SLC38A8: variants seen among roughly 807,000 people sequenced by gnomAD.
SLC38A8 encodes the protein solute carrier family 38 member 8.
SLC38A8 carries 65 observed loss-of-function variants against 46.0 expected under a neutral mutation model. The ratio of observed to expected loss-of-function variants is 1.41; its 90% CI spans 1.16 to 1.74. The LOEUF (loss-of-function observed/expected upper bound fraction) is 1.74, where lower values mean the gene tolerates loss of function less well. SLC38A8 is among the 40% of genes most tolerant of loss of function. The pLI, the probability that SLC38A8 is intolerant of heterozygous loss-of-function variation, is 0.00. For synonymous variants in SLC38A8, 447 were observed against 243.7 expected, an observed-to-expected ratio of 1.83 and a Z score of -7.77; for missense variants, 998 against 567.9, an observed-to-expected ratio of 1.76 and a Z score of -7.70.
chr16:84,011,521 C>T (rs2084953335), intron 10 of SLC38A8, among the ~76,000 whole-genome samples: 1 of 152,202 alleles, frequency 6.6e-6, no homozygotes, highest in Non-Finnish European at 1.5e-5. Context: ...AGACCTACAG[C>T]TGGCACCCAA....
At position 84,017,204 on chromosome 16, in the gene SLC38A8, C is replaced by T; in HGVS notation, c.889G>A (p.Val297Met). 6.2e-7 allele frequency: 1 copy of T among 1,614,078 alleles called. No homozygotes were observed. Among genetic ancestry groups the T allele is most frequent in the South Asian group, 1.1e-5 (1 of 91,072 alleles). The part of the protein sequence containing the change: ...SYPGNDMVII[V>M]ARVLFAVSIV... The stretch of plus-strand genomic sequence containing the variant: ...GAGACAGCAAAAAGGACCCGGGCCA[C>T]AATGATGACCATATCATTGCCTGGG... The change falls in exon 8 of 11, where the codon GTG (valine) becomes ATG (methionine). Residue 297 changes from valine to methionine, a missense_variant. Physicochemically the swap from Val to Met is conservative, Grantham distance 21. Transcript: ENST00000299709.
At chr16:84,020,167 G>A (rs778496578) in intron 7 of SLC38A8, among the ~76,000 whole-genome samples, 28 of 149,722 alleles carry the variant, frequency 1.9e-4, no homozygotes, top group Non-Finnish European at 3.5e-4. Flanking sequence ...TTGAGACAGG[G>A]TCTTGCCCTG....
intron 6 of SLC38A8, among the ~76,000 whole-genome samples, chr16:84,027,769 A>G (rs2085182491): frequency 6.6e-6 from 1 of 152,204 alleles, no homozygotes; most frequent in Non-Finnish European, 1.5e-5. Context: ...TGCTAGGAGA[A>G]TCCGGTGAGG....
intron 7 of SLC38A8, among the ~76,000 whole-genome samples, chr16:84,021,658 G>A (rs1168663892): frequency 6.6e-6 from 1 of 152,186 alleles, no homozygotes. Flanking sequence ...TCATTGCCCA[G>A]CTCCAAAGCC....
Position 84,018,223 on chromosome 16 carries a change from CTTTTTTT to C in SLC38A8, c.806-943_806-937del, listed in dbSNP as rs796178053. Among the ~76,000 whole-genome samples, 34 of 79,940 alleles carry C rather than the reference CTTTTTTT, an allele frequency of 4.3e-4. No individual in the cohort carries two copies. The East Asian group carries it at 7.2e-3, about 17-fold the overall frequency. The allele number at this position is 79,940 out of a possible 152,430, so 52.4% of individuals were successfully genotyped here. A position where few individuals can be genotyped will look rare whatever the true frequency, so the allele number is the denominator to read the frequency against. ...ATGAGCTCTGACTCAGCCCTCATTC[CTTTTTTT>C]TTTTTTTTTTTTTTTTTTTTGAGAC... On this transcript the variant is annotated intron_variant, in intron 7 of 10. Transcript: ENST00000299709.
intron 3 of SLC38A8, among the ~76,000 whole-genome samples, chr16:84,034,706 T>C (rs1020915854): frequency 6.6e-6 from 1 of 152,070 alleles, no homozygotes; most frequent in African/African-American, 2.4e-5. Context: ...AAGCAGGTGG[T>C]CACAGCAGCA....
intron 10 of SLC38A8, among the ~76,000 whole-genome samples, chr16:84,011,128 C>A (rs1418856488): frequency 1.3e-5 from 2 of 152,214 alleles, no homozygotes; most frequent in Non-Finnish European, 1.5e-5. Flanking sequence ...GGCTGTTCAG[C>A]GCCATAAACA....
chr16:84,019,403 G>C (rs2085070138), intron 7 of SLC38A8, among the ~76,000 whole-genome samples: 1 of 152,126 alleles, frequency 6.6e-6, no homozygotes, highest in Non-Finnish European at 1.5e-5. Context: ...AATAATTAAT[G>C]TACCAATTTG....
At chr16:84,038,541 C>T (rs933129427) in intron 2 of SLC38A8, among the ~76,000 whole-genome samples, 7 of 152,220 alleles carry the variant, frequency 4.6e-5, no homozygotes, top group African/African-American at 7.2e-5. Context: ...GCCTACCATG[C>T]ATTAGAGCTT....
intron 1 of SLC38A8, 29 bp from the exon 2 acceptor site, chr16:84,042,188 G>GTA: frequency 6.3e-7 from 1 of 1,583,868 alleles, no homozygotes; most frequent in Non-Finnish European, 8.6e-7. Context: ...TGGAGAGAAA[G>GTA]CACAGTCTTC....
At chr16:84,014,886 CGGGGTATT>C (rs1567690138) in intron 9 of SLC38A8, among the ~76,000 whole-genome samples, 1 of 152,140 alleles carries the variant, frequency 6.6e-6, no homozygotes, top group African/African-American at 2.4e-5. Context: ...CCCCCACCTC[CGGGGTATT>C]GACAAAGTTG....
At chr16:84,032,097 G>A (rs1567700788) in intron 4 of SLC38A8, 129 bp from the exon 5 acceptor site, 3 of 755,448 alleles carry the variant, frequency 4.0e-6, no homozygotes, top group East Asian at 2.7e-5. Flanking sequence ...GTCCACCTCT[G>A]CCTCACCATC....
intron 8 of SLC38A8, 49 bp from the exon 9 acceptor site, chr16:84,016,776 C>A: frequency 1.3e-6 from 2 of 1,573,756 alleles, no homozygotes; most frequent in Non-Finnish European, 1.7e-6. Flanking sequence ...GGGGCACCAG[C>A]CTCCACCCGA....
intron 10 of SLC38A8, 76 bp from the exon 11 acceptor site, chr16:84,009,953 A>T: frequency 7.7e-7 from 1 of 1,304,894 alleles, no homozygotes; most frequent in Admixed American, 2.1e-5. Context: ...TAAAAAATTC[A>T]CTATGTAGAG....
In SLC38A8 at chr16:84,022,906, G is replaced by T. The variant is rs756691073; in HGVS notation, c.691-17C>A. On this transcript the variant is annotated splice_polypyrimidine_tract_variant and intron_variant, in intron 6 of 10. Coordinates refer to ENST00000299709, the MANE Select transcript of SLC38A8 (RefSeq NM_001080442.3). Reference sequence around the variant, plus strand: ...TTCGTGACACTGTAAGACAGAGGGCGGCTCAGCAGGATGCTGGCTTCCCCT... The same window carrying T: ...TTCGTGACACTGTAAGACAGAGGGCTGCTCAGCAGGATGCTGGCTTCCCCT... The T allele has an allele frequency of 1.9e-6, 3 of 1,551,276 alleles. No individual in the cohort carries two copies. The highest frequency in any genetic ancestry group is 1.7e-6 in the Non-Finnish European group (2 of 1,150,736).
Position 84,018,902 on chromosome 16 carries a change from A to G in SLC38A8, c.806-1615T>C, listed in dbSNP as rs979807500. On this transcript the variant is annotated intron_variant, in intron 7 of 10. Coordinates refer to ENST00000299709, the MANE Select transcript of SLC38A8 (RefSeq NM_001080442.3). ...TATAAAACTAGCAGAAGCTAAGGCT[A>G]GTTCAATAAGTGGATTTATTCAGGT... Among the ~76,000 whole-genome samples the G allele has an allele frequency of 3.9e-5, 6 of 152,164 alleles. No individual in the cohort carries two copies. In the South Asian group the frequency reaches 1.2e-3, roughly 32 times the overall value.
At chr16:84,037,806 ATTT>A (rs376247461) in intron 2 of SLC38A8, among the ~76,000 whole-genome samples, 2 of 102,246 alleles carry the variant, frequency 2.0e-5, no homozygotes, top group East Asian at 3.6e-4. Context: ...TTCAGCTTCA[ATTT>A]TTTTTTTTTT....
chr16:84,026,899 G>A (rs1266498865), intron 6 of SLC38A8, among the ~76,000 whole-genome samples: 1 of 152,200 alleles, frequency 6.6e-6, no homozygotes, highest in East Asian at 1.9e-4. Context: ...GAGAGTGACT[G>A]ACGGCGATGG....
At chr16:84,025,804 T>C (rs1450237144) in intron 6 of SLC38A8, among the ~76,000 whole-genome samples, 2 of 152,248 alleles carry the variant, frequency 1.3e-5, no homozygotes, top group African/African-American at 4.8e-5. Flanking sequence ...CTTCCAGCCC[T>C]AGTTGAGCAC....
Sources: allele counts gnomAD v4.1 joint callset (sites outside exome capture counted in the v4.1 genomes callset), GRCh38; gene constraint gnomAD v4.1.1; transcripts MANE v1.5; gene names NCBI Gene and HGNC (gene_info 2026-07-23, HGNC 2026-07-21).